Variants in ZRANB1 observed in about 807,000 individuals in gnomAD.
The protein encoded by ZRANB1 is ubiquitin thioesterase ZRANB1.
ZRANB1 carries 16 observed loss-of-function variants against 80.5 expected under a neutral mutation model. The ratio of observed to expected loss-of-function variants is 0.20; its 90% CI spans 0.13 to 0.30. The LOEUF (loss-of-function observed/expected upper bound fraction) is 0.30, where lower values mean the gene tolerates loss of function less well. Among genes scored for constraint, ZRANB1 ranks in the 10% least tolerant of loss-of-function variants. The pLI is 1.00. For synonymous variants in ZRANB1, 291 were observed against 293.1 expected (o/e 0.99, Z 0.07); for missense variants, 576 against 862.6 (o/e 0.67, Z 4.16).
chr10:124,968,263 T>C (rs1039601139), intron 2 of ZRANB1, among the ~76,000 whole-genome samples: 1 of 152,212 alleles, frequency 6.6e-6, no homozygotes, highest in African/African-American at 2.4e-5. Context: ...AATTGTGGAT[T>C]CAAATTTTGT....
chr10:124,976,210 GA>G (rs1441134255), intron 5 of ZRANB1, among the ~76,000 whole-genome samples: 25 of 152,342 alleles, frequency 1.6e-4, no homozygotes, highest in African/African-American at 6.0e-4. Flanking sequence ...CTGGTAGTAT[GA>G]AGTAGGTTCA....
the ZRANB1 span, among the ~76,000 whole-genome samples, chr10:124,921,277 AG>A: frequency 6.6e-6 from 1 of 152,178 alleles, no homozygotes. Flanking sequence ...CTGTAGCCTC[AG>A]TTTGTATTCT....
chr10:124,945,681 A>G (rs538889082), intron 1 of ZRANB1: 1 of 152,310 alleles, frequency 6.6e-6, no homozygotes, highest in East Asian at 1.9e-4. Flanking sequence ...CTTGAAACAC[A>G]CAAGTTAGAT....
At chr10:124,926,162 CAGTG>C in the ZRANB1 span, among the ~76,000 whole-genome samples, 3 of 152,206 alleles carry the variant, frequency 2.0e-5, no homozygotes, top group African/African-American at 7.2e-5. Flanking sequence ...CTGGGTAAGT[CAGTG>C]AGTGAGTGAT....
the ZRANB1 span, among the ~76,000 whole-genome samples, chr10:124,929,321 A>T: frequency 2.7e-5 from 4 of 147,604 alleles, no homozygotes; most frequent in South Asian, 8.6e-4. Context: ...GAGATGTTTC[A>T]CCTCTCCTGA....
chr10:124,984,962 A>T lies in ZRANB1; in HGVS notation c.2097A>T (p.Gly699=), dbSNP rs756142790. 1 of 1,613,494 alleles carries T rather than the reference A, an allele frequency of 6.2e-7. No homozygotes were observed. The highest frequency in any genetic ancestry group is 8.5e-7 in the Non-Finnish European group (1 of 1,179,680). ...QIRPCTSLSD[G]EEDEDDEDE ...GGCCGTGTACATCCCTGTCTGATGG[A>T]GAGGAAGATGAGGATGATGAAGATG... Residue 699 remains glycine (G), a synonymous_variant, in exon 9 of 9, where the codon GGA becomes GGT. Transcript: ENST00000359653.
chr10:124,980,058 G>T (rs1951919127), intron 5 of ZRANB1, among the ~76,000 whole-genome samples: 1 of 152,156 alleles, frequency 6.6e-6, no homozygotes, highest in South Asian at 2.1e-4. Context: ...ATCGATTTTT[G>T]TAAAAAAGAC....
chr10:124,937,383 G>A (rs1055289899), upstream of ZRANB1, among the ~76,000 whole-genome samples: 2 of 151,104 alleles, frequency 1.3e-5, no homozygotes, highest in Non-Finnish European at 3.0e-5. Flanking sequence ...ACGGGGTTTC[G>A]CCATGTTGAC....
At position 124,942,697 on chromosome 10, in the gene ZRANB1, A is replaced by G. The variant is rs763302742; in HGVS notation, c.204A>G (p.Pro68=). 24 of 1,614,144 alleles carry G rather than the reference A, an allele frequency of 1.5e-5. No individual in the cohort carries two copies. The highest frequency in any genetic ancestry group is 2.0e-5 in the Non-Finnish European group (24 of 1,180,054). ...GAGGAAGTAGTCCTTTGATATGTCC[A>G]GACTCTAGTGCAAGACCAAGGGTGA... The part of the protein sequence containing the change: ...TEGGSSPLIC[P]DSSARPRVKS... The change falls in exon 1 of 9, where the codon CCA becomes CCG. Residue 68 remains proline (P), a synonymous_variant. Transcript: ENST00000359653.
intron 1 of ZRANB1, among the ~76,000 whole-genome samples, chr10:124,959,889 A>G (rs1278221266): frequency 2.6e-5 from 4 of 152,226 alleles, no homozygotes; most frequent in African/African-American, 9.6e-5. Flanking sequence ...CAACTTAGGT[A>G]TAGCCAGGTA....
chr10:124,963,566 T>TTTTTTTTTTTG (rs1564962079), intron 1 of ZRANB1, among the ~76,000 whole-genome samples: 4 of 134,226 alleles, frequency 3.0e-5, no homozygotes, highest in African/African-American at 8.5e-5. Flanking sequence ...TTTTTTTTTT[T>TTTTTTTTTTTG]TTTTTTTTTT....
intron 4 of ZRANB1, 73 bp from the exon 5 acceptor site, chr10:124,974,127 G>T: frequency 5.5e-6 from 8 of 1,464,856 alleles, no homozygotes; most frequent in Non-Finnish European, 7.6e-6. Flanking sequence ...CTAGAAAATA[G>T]GTTCTTCTCC....
chr10:124,967,410 A>T (rs1725656788), intron 2 of ZRANB1, among the ~76,000 whole-genome samples: 1 of 152,232 alleles, frequency 6.6e-6, no homozygotes, highest in Non-Finnish European at 1.5e-5. Flanking sequence ...CAGGTAACTA[A>T]GCATGGCTGA....
At chr10:124,923,906 A>G in the ZRANB1 span, among the ~76,000 whole-genome samples, 1 of 151,734 alleles carries the variant, frequency 6.6e-6, no homozygotes, top group African/African-American at 2.4e-5. Flanking sequence ...GCCAAACCAT[A>G]TAACTGGGCA....
chr10:124,924,761 AACATTTGT>A, the ZRANB1 span, among the ~76,000 whole-genome samples: 2 of 152,156 alleles, frequency 1.3e-5, no homozygotes, highest in Non-Finnish European at 2.9e-5. Context: ...TACTGCTGTG[AACATTTGT>A]GTACAAGTTT....
intron 1 of ZRANB1, among the ~76,000 whole-genome samples, chr10:124,964,595 G>A (rs560910867): frequency 3.9e-5 from 6 of 152,270 alleles, no homozygotes; most frequent in African/African-American, 9.6e-5. Context: ...ATGCATACAC[G>A]TATATACACA....
chr10:124,974,944 C>T (rs1449232006), intron 5 of ZRANB1, among the ~76,000 whole-genome samples: 1 of 152,150 alleles, frequency 6.6e-6, no homozygotes, highest in South Asian at 2.1e-4. Flanking sequence ...ACTACAGGTG[C>T]TCATCACCAT....
intron 2 of ZRANB1, among the ~76,000 whole-genome samples, chr10:124,970,872 C>G (rs1951820049): frequency 8.2e-6 from 1 of 122,468 alleles, no homozygotes; most frequent in Non-Finnish European, 1.6e-5. Flanking sequence ...GAGTCTCTCT[C>G]TGTCACCCTG....
rs557089204 is a variant in ZRANB1 at position 124,965,358 on chromosome 10, C to T, written c.815-1236C>T. Among the ~76,000 whole-genome samples, 19 of 152,186 alleles carry T rather than the reference C, an allele frequency of 1.2e-4. No homozygotes were observed. In the South Asian group the frequency reaches 2.1e-3, roughly 17 times the overall value. On this transcript the variant is annotated intron_variant, in intron 1 of 8. Transcript: ENST00000359653. Reference sequence around the variant, plus strand: ...GGGGTCATTTTTTTGAGGAGAGGATCGAAATTTGCAGAAAGGACTGTTTTG... The same window carrying T: ...GGGGTCATTTTTTTGAGGAGAGGATTGAAATTTGCAGAAAGGACTGTTTTG...
Sources: allele counts gnomAD v4.1 joint callset (sites outside exome capture counted in the v4.1 genomes callset), GRCh38; gene constraint gnomAD v4.1.1; transcripts MANE v1.5; gene names NCBI Gene and HGNC (gene_info 2026-07-23, HGNC 2026-07-21).